Variants in ATE1 observed in about 807,000 individuals in gnomAD.
ATE1 encodes arginyltransferase 1, also known as arginyl-tRNA--protein transferase 1.
ATE1 carries 36 observed loss-of-function variants against 70.5 expected under a neutral mutation model. The observed-to-expected ratio is 0.51, with a 90% CI of 0.39 to 0.67. The LOEUF is 0.67. ATE1 is among the 30% of genes least tolerant of loss of function. The pLI, the probability that ATE1 is intolerant of heterozygous loss-of-function variation, is 0.00. For missense variants in ATE1, 593 were observed against 629.5 expected (o/e 0.94, Z 0.62); for synonymous variants, 232 against 219.3 (o/e 1.06, Z -0.51).
intron 11 of ATE1, among the ~76,000 whole-genome samples, chr10:121,781,269 A>G (rs1428991015): frequency 6.6e-6 from 1 of 152,106 alleles, no homozygotes; most frequent in Non-Finnish European, 1.5e-5. Flanking sequence ...GCCGTCCTGT[A>G]AAGGAAGGTA....
At chr10:121,814,581 T>C (rs1947460573) in intron 10 of ATE1, among the ~76,000 whole-genome samples, 1 of 152,194 alleles carries the variant, frequency 6.6e-6, no homozygotes, top group Admixed American at 6.5e-5. Flanking sequence ...CAATATGGCA[T>C]CTGAAAGTGT....
At chr10:121,927,130 T>C (rs183695913) in intron 1 of ATE1, 3 of 985,374 alleles carry the variant, frequency 3.0e-6, no homozygotes, top group Non-Finnish European at 3.6e-6. Flanking sequence ...ACACGATGTT[T>C]TGTTTACCAG....
intron 11 of ATE1, among the ~76,000 whole-genome samples, chr10:121,751,274 T>C (rs1421325249): frequency 2.0e-5 from 3 of 152,252 alleles, no homozygotes; most frequent in Non-Finnish European, 4.4e-5. Context: ...TGTGATATAA[T>C]TTACATACCA....
chr10:121,886,309 C>T (rs527433132), intron 7 of ATE1, among the ~76,000 whole-genome samples: 1 of 140,202 alleles, frequency 7.1e-6, no homozygotes, highest in East Asian at 2.1e-4. Flanking sequence ...AAAAAAAAAA[C>T]CCACCTCCTG....
Position 121,920,363 on chromosome 10 carries a change from T to C in ATE1, c.233+1986A>G, listed in dbSNP as rs142409239. 2.1e-3 allele frequency among the ~76,000 whole-genome samples: 313 copies of C among 151,600 alleles called. 2 individuals are homozygous for C. The highest frequency in any genetic ancestry group is 7.2e-3 in the African/African-American group (299 of 41,378). On this transcript the variant is annotated intron_variant, in intron 3 of 11. Transcript: ENST00000224652. ...CCTAGGAAACATGGCAAGACCCCTT[T>C]TCTATAAAAAAAAATGTAATTTGCC...
At chr10:121,899,118 G>A (rs760046483) in intron 7 of ATE1, 35 of 815,900 alleles carry the variant, frequency 4.3e-5, no homozygotes, top group African/African-American at 1.0e-4. Context: ...CGAGGCAGAC[G>A]GGTGCAGAGA....
At chr10:121,809,707 A>T (rs1263742757) in intron 10 of ATE1, among the ~76,000 whole-genome samples, 1 of 152,072 alleles carries the variant, frequency 6.6e-6, no homozygotes, top group African/African-American at 2.4e-5. Context: ...TGTCCTGGAC[A>T]TCCAAAAGGC....
chr10:121,853,130 C>T (rs571614090), intron 8 of ATE1, among the ~76,000 whole-genome samples: 93 of 151,936 alleles, frequency 6.1e-4, no homozygotes, highest in Non-Finnish European at 9.0e-4. Context: ...TTTGGGAGGC[C>T]GAGGTGGGCC....
intron 10 of ATE1, among the ~76,000 whole-genome samples, chr10:121,823,086 C>T (rs1040666858): frequency 1.3e-5 from 2 of 151,972 alleles, no homozygotes; most frequent in Non-Finnish European, 2.9e-5. Flanking sequence ...GTCAGGAGAT[C>T]GAGACCATCC....
intron 7 of ATE1, among the ~76,000 whole-genome samples, chr10:121,876,891 G>A (rs901106066): frequency 4.6e-5 from 7 of 151,806 alleles, no homozygotes; most frequent in South Asian, 2.1e-4. Flanking sequence ...GCGGGAACCC[G>A]GGAGGCGGAG....
intron 8 of ATE1, among the ~76,000 whole-genome samples, chr10:121,841,870 T>G (rs896961307): frequency 6.6e-6 from 1 of 152,014 alleles, no homozygotes; most frequent in Admixed American, 6.6e-5. Context: ...ACTAAAGGAC[T>G]TACCCAAACA....
rs1325638893 is a variant in ATE1 at position 121,741,650 on chromosome 10, C to T, written c.*2030G>A. On this transcript the variant is annotated 3_prime_UTR_variant, in exon 12 of 12. Transcript: ENST00000224652. Reference sequence around the variant, plus strand: ...TAACACCAAGTTGGACATTCAAATGCTAAGCGAGCCAAGTACCAGCCCTAC... The same window carrying T: ...TAACACCAAGTTGGACATTCAAATGTTAAGCGAGCCAAGTACCAGCCCTAC... The T allele has an allele frequency of 6.6e-6, 1 of 152,136 alleles. No individual in the cohort carries two copies. Among genetic ancestry groups the T allele is most frequent in the East Asian group, 1.9e-4 (1 of 5,194 alleles). The allele number at this position is 152,136 out of a possible 1,614,324, so 9.4% of individuals were successfully genotyped here. A position where few individuals can be genotyped will look rare whatever the true frequency, so the allele number is the denominator to read the frequency against.
rs763526217 is a variant in ATE1, at chr10:121,747,352, GCTGGCTCCTGCAGGCTCA to G, written c.1379-3512_1379-3495del. On this transcript the variant is annotated intron_variant, in intron 11 of 11. Coordinates refer to ENST00000224652, the MANE Select transcript of ATE1 (RefSeq NM_001001976.3). ...CCTGTTCTGCTCTGTATTGCAGGAG[GCTGGCTCCTGCAGGCTCA>G]GCTGGTCTCCAACTGGGTTCAGCCA... Among the ~76,000 whole-genome samples, 42 of 152,308 alleles carry G rather than the reference GCTGGCTCCTGCAGGCTCA, an allele frequency of 2.8e-4. 1 individual carries two copies. The highest frequency in any genetic ancestry group is 5.6e-4 in the Non-Finnish European group (38 of 68,034).
At chr10:121,820,398 G>T (rs1947746814) in intron 10 of ATE1, among the ~76,000 whole-genome samples, 1 of 152,148 alleles carries the variant, frequency 6.6e-6, no homozygotes. Context: ...AAACATATAT[G>T]CCATTAACAA....
rs191420049 is a variant in ATE1, at chr10:121,921,463, C to T, written c.233+886G>A. On this transcript the variant is annotated intron_variant, in intron 3 of 11. Coordinates refer to ENST00000224652, the MANE Select transcript of ATE1 (RefSeq NM_001001976.3). The stretch of plus-strand genomic sequence containing the variant: ...ATCTAGTGTGCTCTGGAGATTCTCC[C>T]AGCACTCAACATGCAGAGAAGAAAA... 3.3e-4 allele frequency among the ~76,000 whole-genome samples: 50 copies of T among 150,944 alleles called. 1 individual carries two copies. In the East Asian group the frequency reaches 5.6e-3, roughly 17 times the overall value.
intron 7 of ATE1, among the ~76,000 whole-genome samples, chr10:121,888,318 T>C (rs1950471502): frequency 6.6e-6 from 1 of 151,966 alleles, no homozygotes; most frequent in African/African-American, 2.4e-5. Flanking sequence ...GGCATGAACC[T>C]GGGAGGCAGA....
intron 8 of ATE1, among the ~76,000 whole-genome samples, chr10:121,854,694 T>C (rs1949181293): frequency 6.6e-6 from 1 of 152,048 alleles, no homozygotes; most frequent in Non-Finnish European, 1.5e-5. Flanking sequence ...AAAAAAACGG[T>C]CAGGCAGACA....
intron 2 of ATE1, among the ~76,000 whole-genome samples, chr10:121,923,507 T>A (rs1435727944): frequency 1.3e-5 from 2 of 152,170 alleles, no homozygotes; most frequent in Non-Finnish European, 2.9e-5. Flanking sequence ...AAGTTCCTTA[T>A]CATGGCATGT....
intron 8 of ATE1, among the ~76,000 whole-genome samples, chr10:121,844,468 T>A (rs1233283097): frequency 6.6e-6 from 1 of 151,992 alleles, no homozygotes; most frequent in Non-Finnish European, 1.5e-5. Context: ...GGATGCAGAG[T>A]AATAGGAACT....
Sources: gnomAD v4.1 joint callset for allele counts (sites outside exome capture counted in the v4.1 genomes callset) on GRCh38, gnomAD v4.1.1 for gene constraint, MANE v1.5 for transcripts, NCBI Gene and HGNC (gene_info 2026-07-23, HGNC 2026-07-21) for gene names.